Variants in CFAP70 observed in about 807,000 individuals in gnomAD.
The protein encoded by CFAP70 is cilia and flagella associated protein 70.
CFAP70 carries 81 observed loss-of-function variants against 137.6 expected under a neutral mutation model. The ratio of observed to expected loss-of-function variants is 0.59; its 90% CI spans 0.49 to 0.71. CFAP70 has a LOEUF of 0.71. Among genes scored for constraint, CFAP70 ranks in the 30% least tolerant of loss-of-function variants. CFAP70 has a pLI of 0.00. For missense variants in CFAP70, 976 were observed against 1,226.7 expected, an observed-to-expected ratio of 0.80 and a Z score of 3.05; for synonymous variants, 382 against 423.6, an observed-to-expected ratio of 0.90 and a Z score of 1.20.
At position 73,284,737 on chromosome 10, in the gene CFAP70, CACAT is replaced by C. The variant is rs2047517241; in HGVS notation, c.2240-6404_2240-6401del. Among the ~76,000 whole-genome samples the C allele has an allele frequency of 6.8e-4, 41 of 60,080 alleles. 2 individuals are homozygous for C. Among genetic ancestry groups the C allele is most frequent in the African/African-American group, 1.6e-3 (23 of 14,130 alleles). The allele number at this position is 60,080 out of a possible 152,430, so 39.4% of individuals were successfully genotyped here. ...AGCCTATGGGCCATATATGACCTGCCACATATATATATATATATATATATATATA... is the reference window on the plus strand; with the variant it reads ...AGCCTATGGGCCATATATGACCTGCCATATATATATATATATATATATATA... On this transcript the variant is annotated intron_variant, in intron 19 of 26. Coordinates refer to ENST00000310715, the Ensembl canonical transcript of CFAP70.
intron 9 of CFAP70, among the ~76,000 whole-genome samples, chr10:73,317,348 G>A (rs181326249): frequency 2.0e-5 from 3 of 152,204 alleles, no homozygotes; most frequent in African/African-American, 7.2e-5. Flanking sequence ...TAGTTTTTGT[G>A]TATGTGTGTT....
At chr10:73,298,809 T>A in intron 14 of CFAP70, 98 bp downstream of exon 15, 3 of 1,101,724 alleles carry the variant, frequency 2.7e-6, no homozygotes, top group East Asian at 4.8e-5. Context: ...AAGGTAAGAG[T>A]ATAGCTGAAC....
chr10:73,264,198 A>G (rs914015107), intron 25 of CFAP70, among the ~76,000 whole-genome samples: 1 of 152,104 alleles, frequency 6.6e-6, no homozygotes, highest in African/African-American at 2.4e-5. Flanking sequence ...CTAGTTCTGG[A>G]ATTTTGGCCA....
chr10:73,333,994 C>G (rs1589526714), intron 7 of CFAP70, among the ~76,000 whole-genome samples: 1 of 152,134 alleles, frequency 6.6e-6, no homozygotes, highest in Admixed American at 6.6e-5. Flanking sequence ...AGTGGGTGAC[C>G]AGGGGTATAT....
At chr10:73,334,392 C>T (rs1460290846) in intron 7 of CFAP70, among the ~76,000 whole-genome samples, 1 of 152,128 alleles carries the variant, frequency 6.6e-6, no homozygotes, top group Non-Finnish European at 1.5e-5. Context: ...CTTTTTAATC[C>T]ATAACCATTC....
intron 19 of CFAP70, among the ~76,000 whole-genome samples, chr10:73,286,718 T>G (rs1349568902): frequency 6.6e-6 from 1 of 152,012 alleles, no homozygotes; most frequent in Non-Finnish European, 1.5e-5. Context: ...ATATAGAGTG[T>G]GGAGTGGAAA....
chr10:73,351,071 GTATATATATATATATATA>G (rs1158760266), intron 3 of CFAP70, among the ~76,000 whole-genome samples: 2,240 of 31,324 alleles, frequency 0.072, 137 homozygotes, highest in African/African-American at 0.19. Flanking sequence ...GTGTGTGTGT[GTATATATATATATATATA>G]TATATATATA....
chr10:73,316,618 G>T (rs1351483288), intron 9 of CFAP70, among the ~76,000 whole-genome samples: 1 of 150,744 alleles, frequency 6.6e-6, no homozygotes, highest in Non-Finnish European at 1.5e-5. Flanking sequence ...GGTTACTTAG[G>T]ATTACAATAT....
In CFAP70 at chr10:73,275,545, G is replaced by T; in HGVS notation, c.2574C>A (p.Ser858Arg). The T allele has an allele frequency of 6.2e-7, 1 of 1,611,382 alleles. No individual in the cohort carries two copies. Among genetic ancestry groups the T allele is most frequent in the Non-Finnish European group, 8.5e-7 (1 of 1,179,014 alleles). ...GGGCCAGCACCAAGTAATATTCACA[G>T]CTGGGGCCTCCTTGAGGGCATAACA... Residue 858 changes from serine (S) to arginine (R), a missense_variant, in exon 22 of 27, where the codon AGC becomes AGA. Ser to Arg is a moderately radical substitution (Grantham distance 110, BLOSUM62 -1). Transcript: ENST00000310715. The surrounding 1 kb of genome is among the most constrained non-coding windows in gnomAD (Gnocchi z 4.0).
intron 9 of CFAP70, among the ~76,000 whole-genome samples, chr10:73,317,536 T>C (rs184421441): frequency 7.3e-4 from 111 of 152,316 alleles, no homozygotes; most frequent in Non-Finnish European, 1.5e-3. Flanking sequence ...ATAATGTGTA[T>C]ATTTTGGGTC....
intron 6 of CFAP70, among the ~76,000 whole-genome samples, chr10:73,338,313 G>A (rs1488166221): frequency 2.0e-5 from 3 of 151,652 alleles, no homozygotes; most frequent in Non-Finnish European, 4.4e-5. Flanking sequence ...CTATACTGGC[G>A]AATTTTTGTG....
At chr10:73,271,768 CACTG>C (rs1287464084) in intron 24 of CFAP70, among the ~76,000 whole-genome samples, 1 of 152,092 alleles carries the variant, frequency 6.6e-6, no homozygotes, top group Non-Finnish European at 1.5e-5. Context: ...AATCATGGCT[CACTG>C]CAGCCTCTAA....
intron 5 of CFAP70, among the ~76,000 whole-genome samples, chr10:73,341,991 T>C (rs1210484533): frequency 6.6e-6 from 1 of 152,256 alleles, no homozygotes; most frequent in Non-Finnish European, 1.5e-5. Context: ...GACCAAATTC[T>C]GTGTTATTTA....
chr10:73,360,119 G>A (rs1197697799), upstream of CFAP70, among the ~76,000 whole-genome samples: 1 of 152,138 alleles, frequency 6.6e-6, no homozygotes, highest in Non-Finnish European at 1.5e-5. Flanking sequence ...TCTGTGAATC[G>A]CATACCACCC....
chr10:73,334,976 T>C (rs2052495397), intron 7 of CFAP70, among the ~76,000 whole-genome samples: 1 of 150,738 alleles, frequency 6.6e-6, no homozygotes, highest in African/African-American at 2.4e-5. Context: ...CTCAACCTCC[T>C]GGGCTCAAGC....
At chr10:73,327,250 C>A (rs1168020002) in intron 8 of CFAP70, among the ~76,000 whole-genome samples, 2 of 151,026 alleles carry the variant, frequency 1.3e-5, no homozygotes, top group South Asian at 2.1e-4. Context: ...ATGATTATCT[C>A]AAAAGATGCA....
At chr10:73,283,748 G>A (rs555085961) in intron 19 of CFAP70, among the ~76,000 whole-genome samples, 5 of 152,080 alleles carry the variant, frequency 3.3e-5, no homozygotes, top group African/African-American at 1.2e-4. Flanking sequence ...TGGGGGACAG[G>A]TTCTCACTAT....
intron 24 of CFAP70, among the ~76,000 whole-genome samples, chr10:73,271,660 G>A (rs764221459): frequency 2.6e-5 from 4 of 152,102 alleles, no homozygotes; most frequent in East Asian, 1.9e-4. Flanking sequence ...GTGGAGTTAC[G>A]GATACTTTAA....
At chr10:73,256,303 T>C (rs2044484049) in intron 26 of CFAP70, 66 bp downstream of exon 27, 1 of 1,564,030 alleles carries the variant, frequency 6.4e-7, no homozygotes, top group Non-Finnish European at 8.8e-7. Flanking sequence ...ATTAAGCCAG[T>C]ACCTCCCTCC....
Sources: gnomAD v4.1 joint callset for allele counts (sites outside exome capture counted in the v4.1 genomes callset) on GRCh38, gnomAD v4.1.1 for gene constraint, Gnocchi (gnomAD v3.1) non-coding constraint, MANE v1.5 for transcripts, NCBI Gene and HGNC (gene_info 2026-07-23, HGNC 2026-07-21) for gene names.